SLC14A2: variants seen among roughly 807,000 people sequenced by gnomAD.
SLC14A2 encodes urea transporter 2.
Under a neutral mutation model 104.6 loss-of-function variants are expected in SLC14A2, and 91 were observed. The ratio of observed to expected loss-of-function variants is 0.87; its 90% CI spans 0.73 to 1.04. SLC14A2 has a LOEUF of 1.04. Ranked by LOEUF, SLC14A2 falls within the 50% of genes least tolerant of loss-of-function variation. The probability of loss-of-function intolerance (pLI) is 0.00; values close to 1 mark genes in which losing one functional copy is unlikely to be tolerated. For synonymous variants in SLC14A2, 476 were observed against 466.4 expected, an observed-to-expected ratio of 1.02 and a Z score of -0.27; for missense variants, 1,189 against 1,156.0, an observed-to-expected ratio of 1.03 and a Z score of -0.41.
At chr18:45,641,525 A>G (rs994052645) in intron 8 of SLC14A2, among the ~76,000 whole-genome samples, 182 bp downstream of exon 8, 4 of 152,242 alleles carry the variant, frequency 2.6e-5, no homozygotes, top group African/African-American at 9.6e-5. Context: ...TTTCTGTCAA[A>G]TGGGATCACA....
At chr18:45,315,063 G>A (rs1466528033) in intron 1 of SLC14A2, among the ~76,000 whole-genome samples, 1 of 152,160 alleles carries the variant, frequency 6.6e-6, no homozygotes, top group East Asian at 1.9e-4. Flanking sequence ...AACAGAACCA[G>A]GTAAGAGATG....
intron 11 of SLC14A2, among the ~76,000 whole-genome samples, 173 bp from the exon 12 acceptor site, chr18:45,665,964 G>C (rs912092926): frequency 6.6e-6 from 1 of 152,070 alleles, no homozygotes; most frequent in Non-Finnish European, 1.5e-5. Context: ...TCCATGACCA[G>C]TAAAAGAACA....
At chr18:45,356,576 T>C (rs16978348) in intron 1 of SLC14A2, among the ~76,000 whole-genome samples, 5,525 of 152,236 alleles carry the variant, frequency 0.036, 341 homozygotes, top group African/African-American at 0.13. Flanking sequence ...AAGCTGACTT[T>C]CCTTAAGGTC....
intron 2 of SLC14A2, among the ~76,000 whole-genome samples, chr18:45,514,302 G>A (rs2043407680): frequency 1.3e-5 from 2 of 152,170 alleles, no homozygotes; most frequent in Admixed American, 1.3e-4. Context: ...ACGGGAGAGA[G>A]ATAGCATGCA....
chr18:45,664,815 C>T (rs1171353732), intron 11 of SLC14A2, among the ~76,000 whole-genome samples: 1 of 152,164 alleles, frequency 6.6e-6, no homozygotes, highest in Admixed American at 6.5e-5. Context: ...CTCAAGGGCC[C>T]CTGTAGCTCA....
intron 1 of SLC14A2, among the ~76,000 whole-genome samples, chr18:45,443,870 GC>G (rs1454292355): frequency 6.6e-6 from 1 of 152,178 alleles, no homozygotes; most frequent in Non-Finnish European, 1.5e-5. Flanking sequence ...TCAGCTGGGT[GC>G]AGAGGCTCTT....
intron 2 of SLC14A2, among the ~76,000 whole-genome samples, chr18:45,580,927 G>C (rs1599027683): frequency 6.6e-6 from 1 of 152,084 alleles, no homozygotes; most frequent in African/African-American, 2.4e-5. Flanking sequence ...GCAGAAGAGG[G>C]AAATACTCAG....
At chr18:45,311,574 A>G (rs1407591260) in intron 1 of SLC14A2, among the ~76,000 whole-genome samples, 2 of 152,196 alleles carry the variant, frequency 1.3e-5, no homozygotes, top group Non-Finnish European at 2.9e-5. Context: ...TTAAAGACAT[A>G]TGGCTTATTT....
intron 2 of SLC14A2, among the ~76,000 whole-genome samples, chr18:45,488,546 G>A (rs911947667): frequency 6.6e-5 from 10 of 152,298 alleles, no homozygotes; most frequent in African/African-American, 2.2e-4. Context: ...AGAACTTAGT[G>A]GGGAAAAGGG....
chr18:45,553,095 A>T (rs530960639), intron 2 of SLC14A2, among the ~76,000 whole-genome samples: 1 of 152,238 alleles, frequency 6.6e-6, no homozygotes, highest in East Asian at 1.9e-4. Context: ...GGGCTCCCAA[A>T]TTTCCCAGCT....
At chr18:45,644,277 C>T in intron 10 of SLC14A2, 117 bp downstream of exon 10, 1 of 933,736 alleles carries the variant, frequency 1.1e-6, no homozygotes. Context: ...CTCCTTGCAC[C>T]TGTGTAGAAC....
chr18:45,469,037 G>A (rs1212529437), intron 1 of SLC14A2, among the ~76,000 whole-genome samples: 1 of 152,136 alleles, frequency 6.6e-6, no homozygotes, highest in Non-Finnish European at 1.5e-5. Flanking sequence ...TGGCCTGATG[G>A]GCTGGAGGGG....
At chr18:45,423,887 A>C (rs1021130328) in intron 1 of SLC14A2, 11 of 152,208 alleles carry the variant, frequency 7.2e-5, no homozygotes, top group African/African-American at 2.7e-4. Context: ...TTACCTTGTC[A>C]GACAGCATCA....
chr18:45,181,117 A>G, the SLC14A2 span: 1 of 152,556 alleles, frequency 6.6e-6, no homozygotes, highest in Non-Finnish European at 1.5e-5. Flanking sequence ...CACTGTGTCC[A>G]CGTCACTGTT....
intron 2 of SLC14A2, among the ~76,000 whole-genome samples, chr18:45,521,119 C>T (rs1460940965): frequency 4.6e-5 from 7 of 152,296 alleles, no homozygotes; most frequent in Non-Finnish European, 1.5e-5. Flanking sequence ...ATCAAGTGAC[C>T]TGTCAACAGT....
intron 1 of SLC14A2, among the ~76,000 whole-genome samples, chr18:45,450,847 G>A (rs1175586616): frequency 6.6e-6 from 1 of 152,312 alleles, no homozygotes; most frequent in Non-Finnish European, 1.5e-5. Context: ...GAGACAAATG[G>A]GGAAGGTAGT....
At chr18:45,471,615 T>G (rs2144668339) in intron 1 of SLC14A2, among the ~76,000 whole-genome samples, 3 of 152,256 alleles carry the variant, frequency 2.0e-5, no homozygotes, top group Middle Eastern at 3.4e-3. Context: ...AACTATCCAT[T>G]TTCATGTGTT....
chr18:45,248,301 A>T (rs1251459014), intron 1 of SLC14A2, among the ~76,000 whole-genome samples: 1 of 152,126 alleles, frequency 6.6e-6, no homozygotes, highest in East Asian at 1.9e-4. Flanking sequence ...CCCATAGCAA[A>T]TACCGGATGC....
intron 2 of SLC14A2, among the ~76,000 whole-genome samples, chr18:45,567,879 G>A (rs1347329103): frequency 1.3e-5 from 2 of 152,328 alleles, no homozygotes; most frequent in East Asian, 3.9e-4. Flanking sequence ...GGATCTTTCA[G>A]GAGAAGATGG....
Sources: gnomAD v4.1 joint callset for allele counts (sites outside exome capture counted in the v4.1 genomes callset) on GRCh38, gnomAD v4.1.1 for gene constraint, MANE v1.5 for transcripts, NCBI Gene and HGNC (gene_info 2026-07-23, HGNC 2026-07-21) for gene names.